Variants in TBC1D22A observed in about 807,000 individuals in gnomAD.
TBC1D22A encodes putative GTPase activator.
A neutral mutation model predicts 60.2 loss-of-function variants in TBC1D22A; 38 were observed. The observed-to-expected ratio is 0.63, with a 90% CI of 0.49 to 0.83. The LOEUF (loss-of-function observed/expected upper bound fraction) is 0.83. Ranked by LOEUF, TBC1D22A falls within the 40% of genes least tolerant of loss-of-function variation. The pLI, the probability that TBC1D22A is intolerant of heterozygous loss-of-function variation, is 0.00. For synonymous variants in TBC1D22A, 302 were observed against 281.7 expected, an observed-to-expected ratio of 1.07 and a Z score of -0.72; for missense variants, 628 against 701.0, an observed-to-expected ratio of 0.90 and a Z score of 1.18.
rs553578648 is a variant in TBC1D22A at position 47,059,205 on chromosome 22, G to A, written c.1329+22007G>A. ...GGGGGACAGGCCATGCCGTGTGGGC[G>A]CCTCCACTGTCTGGCACCTGGATTT... On this transcript the variant is annotated intron_variant, in intron 11 of 12. Transcript: ENST00000337137. 5.9e-5 allele frequency among the ~76,000 whole-genome samples: 9 copies of A among 152,370 alleles called. No individual in the cohort carries two copies. The East Asian group carries it at 1.2e-3, about 20-fold the overall frequency.
intron 4 of TBC1D22A, among the ~76,000 whole-genome samples, chr22:46,851,489 G>A (rs113890755): frequency 7.2e-4 from 110 of 152,384 alleles, no homozygotes; most frequent in African/African-American, 2.6e-3. Flanking sequence ...CCTGGCCCAG[G>A]CCCTGAGGCA....
At position 46,871,756 on chromosome 22, in the gene TBC1D22A, T is replaced by C. The variant is rs568607962; in HGVS notation, c.638-6897T>C. ...AAAGAATAAAGGTTTCCAATCCATA[T>C]TCAACGCTCTCATTTTAAGAAACTA... On this transcript the variant is annotated intron_variant, in intron 4 of 12. Transcript: ENST00000337137. 2.6e-5 allele frequency among the ~76,000 whole-genome samples: 4 copies of C among 152,312 alleles called. No individual in the cohort carries two copies. The South Asian group carries it at 8.3e-4, about 32-fold the overall frequency.
intron 11 of TBC1D22A, among the ~76,000 whole-genome samples, chr22:47,062,687 GGT>G (rs2063620279): frequency 6.6e-6 from 1 of 152,178 alleles, no homozygotes; most frequent in Non-Finnish European, 1.5e-5. Context: ...TTAGGAAGTG[GGT>G]GAGGGGAGAA....
intron 4 of TBC1D22A, among the ~76,000 whole-genome samples, chr22:46,839,708 A>G (rs965375482): frequency 6.6e-6 from 1 of 152,256 alleles, no homozygotes; most frequent in Admixed American, 6.5e-5. Flanking sequence ...TTACAAAACT[A>G]GATTATCAAA....
rs184139227 is a variant in TBC1D22A, at chr22:47,050,107, C to T, written c.1329+12909C>T. On this transcript the variant is annotated intron_variant, in intron 11 of 12. Transcript: ENST00000337137. ...GCAACCTCTGCCTCCTGGGTTCAAA[C>T]GATTCTCCTGCCTCTGCCTCCCAAG... Among the ~76,000 whole-genome samples the T allele has an allele frequency of 1.2e-4, 19 of 152,210 alleles. No homozygotes were observed. The East Asian group carries it at 1.9e-3, about 15-fold the overall frequency.
chr22:46,978,618 T>G (rs1377787737), intron 9 of TBC1D22A, among the ~76,000 whole-genome samples: 1 of 152,082 alleles, frequency 6.6e-6, no homozygotes, highest in Admixed American at 6.5e-5. Context: ...TTTTGTTTGT[T>G]TGTTTGTTTG....
intron 4 of TBC1D22A, among the ~76,000 whole-genome samples, chr22:46,839,577 C>G (rs1457262443): frequency 1.3e-5 from 2 of 152,096 alleles, no homozygotes; most frequent in Non-Finnish European, 2.9e-5. Flanking sequence ...ACATGTTTTG[C>G]AAAAAGAAGA....
At position 46,762,863 on chromosome 22, in the gene TBC1D22A, G is replaced by A. The variant is rs1601755246; in HGVS notation, c.62+15G>A. 2 of 1,469,866 alleles carry A rather than the reference G, an allele frequency of 1.4e-6. No homozygotes were observed. Among genetic ancestry groups the A allele is most frequent in the East Asian group, 3.0e-5 (1 of 33,508 alleles). The allele number at this position is 1,469,866 out of a possible 1,614,324, so 91.1% of individuals were successfully genotyped here. ...CTCCCGGGCAGGTGGGTGTGCCGCG[G>A]AGGGCCAGGTCGGGGTCAGGGGTCA... On this transcript the variant is annotated intron_variant, in intron 1 of 12. Transcript: ENST00000337137.
chr22:46,890,710 A>C (rs1203974031), intron 5 of TBC1D22A, among the ~76,000 whole-genome samples: 2 of 152,182 alleles, frequency 1.3e-5, no homozygotes, highest in Non-Finnish European at 2.9e-5. Flanking sequence ...TTCTGACTTC[A>C]AGTCCCCTTT....
At chr22:46,948,523 G>T (rs1277538500) in intron 8 of TBC1D22A, among the ~76,000 whole-genome samples, 1 of 152,194 alleles carries the variant, frequency 6.6e-6, no homozygotes, top group African/African-American at 2.4e-5. Flanking sequence ...TCCCCCCACG[G>T]TGGGTTTCTC....
At chr22:46,944,933 T>C (rs2072436861) in intron 8 of TBC1D22A, among the ~76,000 whole-genome samples, 1 of 152,252 alleles carries the variant, frequency 6.6e-6, no homozygotes. Context: ...GATTTTTCTT[T>C]TAAGATAGAT....
chr22:46,955,503 T>C (rs1391092522), intron 8 of TBC1D22A, among the ~76,000 whole-genome samples: 1 of 152,236 alleles, frequency 6.6e-6, no homozygotes, highest in Non-Finnish European at 1.5e-5. Flanking sequence ...CTTGACACGT[T>C]TTCGTTTGTG....
chr22:46,905,115 G>A (rs141217121), intron 7 of TBC1D22A, among the ~76,000 whole-genome samples: 23 of 152,334 alleles, frequency 1.5e-4, no homozygotes, highest in East Asian at 9.6e-4. Flanking sequence ...AGAGGGGGAC[G>A]GTGGGGACTC....
chr22:46,817,260 C>CG (rs2085642758), intron 4 of TBC1D22A, among the ~76,000 whole-genome samples: 1 of 148,326 alleles, frequency 6.7e-6, no homozygotes, highest in Admixed American at 6.7e-5. Flanking sequence ...CTAGGTTGTC[C>CG]TTTTTTTTTT....
At chr22:47,051,154 A>G (rs1403913171) in intron 11 of TBC1D22A, among the ~76,000 whole-genome samples, 2 of 152,218 alleles carry the variant, frequency 1.3e-5, no homozygotes, top group East Asian at 3.9e-4. Flanking sequence ...AGATTGTAGC[A>G]AAGGAGCTGA....
At chr22:46,984,981 TG>T (rs1306887811) in intron 9 of TBC1D22A, among the ~76,000 whole-genome samples, 1 of 152,174 alleles carries the variant, frequency 6.6e-6, no homozygotes, top group African/African-American at 2.4e-5. Context: ...CTTCTTACAG[TG>T]CTTGCTCCCA....
At chr22:47,069,248 T>C (rs1428311535) in intron 11 of TBC1D22A, among the ~76,000 whole-genome samples, 2 of 152,174 alleles carry the variant, frequency 1.3e-5, no homozygotes, top group African/African-American at 4.8e-5. Flanking sequence ...AACTGAAAAA[T>C]GTATAGCAAA....
chr22:46,954,946 C>T (rs1320736944), intron 8 of TBC1D22A, among the ~76,000 whole-genome samples: 17 of 152,102 alleles, frequency 1.1e-4, no homozygotes, highest in Admixed American at 9.8e-4. Flanking sequence ...TTTTATTGAA[C>T]CACAAAATGT....
chr22:47,120,571 T>TGGCAGAG (rs2066236066), intron 12 of TBC1D22A, among the ~76,000 whole-genome samples: 1 of 152,230 alleles, frequency 6.6e-6, no homozygotes, highest in African/African-American at 2.4e-5. Flanking sequence ...GTAAGCAGCC[T>TGGCAGAG]GGCAGAGGGC....
Sources: gnomAD v4.1 joint callset for allele counts (sites outside exome capture counted in the v4.1 genomes callset) on GRCh38, gnomAD v4.1.1 for gene constraint, MANE v1.5 for transcripts, NCBI Gene and HGNC (gene_info 2026-07-23, HGNC 2026-07-21) for gene names.